C10orf90: variants seen among roughly 807,000 people sequenced by gnomAD.
C10orf90 encodes the protein chromosome 10 open reading frame 90, also known as (E2-independent) E3 ubiquitin-conjugating enzyme FATS.
Under a neutral mutation model 62.5 loss-of-function variants are expected in C10orf90, and 56 were observed. That is an observed-to-expected ratio of 0.90 (90% CI 0.72 to 1.12). The LOEUF is 1.12. Ranked by LOEUF, C10orf90 falls within the 50% of genes most tolerant of loss-of-function variation. The probability of loss-of-function intolerance (pLI) is 0.00; values close to 1 mark genes in which losing one functional copy is unlikely to be tolerated. For synonymous variants in C10orf90, 386 were observed against 340.4 expected, an observed-to-expected ratio of 1.13 and a Z score of -1.47; for missense variants, 970 against 880.4, an observed-to-expected ratio of 1.10 and a Z score of -1.29.
At chr10:126,646,447 T>TC (rs1351386192) in intron 2 of C10orf90, 118 bp downstream of exon 2, 1 of 260,602 alleles carries the variant, frequency 3.8e-6, no homozygotes, top group African/African-American at 2.3e-5. Flanking sequence ...ATCTCACGTT[T>TC]GGGGGAAAAC....
At chr10:126,659,040 G>A (rs571747502) in intron 1 of C10orf90, among the ~76,000 whole-genome samples, 1 of 152,310 alleles carries the variant, frequency 6.6e-6, no homozygotes, top group African/African-American at 2.4e-5. Flanking sequence ...CTGACAGCCA[G>A]CACAGTGGCT....
At chr10:126,483,452 C>G (rs1228491699) in intron 4 of C10orf90, among the ~76,000 whole-genome samples, 3 of 152,178 alleles carry the variant, frequency 2.0e-5, no homozygotes, top group African/African-American at 7.2e-5. Flanking sequence ...ATCCTAGACT[C>G]CATGCCTTGT....
intron 7 of C10orf90, among the ~76,000 whole-genome samples, chr10:126,458,323 T>C (rs1246188757): frequency 6.6e-6 from 1 of 152,198 alleles, no homozygotes; most frequent in Admixed American, 6.5e-5. Context: ...GGAATAAAAC[T>C]GGGGTTTCTC....
chr10:126,585,287 GAAAGCAAGCAAGCAAGCA>G, intron 2 of C10orf90, among the ~76,000 whole-genome samples: 1 of 148,876 alleles, frequency 6.7e-6, no homozygotes, highest in South Asian at 2.1e-4. Flanking sequence ...AAGAAACAAA[GAAAGCAAGCAAGCAAGCA>G]GAGGGAGGAA....
chr10:126,426,554 T>C (rs2133969442), intron 8 of C10orf90, among the ~76,000 whole-genome samples: 1 of 152,370 alleles, frequency 6.6e-6, no homozygotes, highest in South Asian at 2.1e-4. Context: ...ATAGCAGGAC[T>C]TATAATACTG....
rs10901612 is a variant in C10orf90 at position 126,456,530 on chromosome 10, C to T, written c.2188+2510G>A. Among the ~76,000 whole-genome samples, 69,493 of 151,976 alleles carry T rather than the reference C, an allele frequency of 0.46. 16,167 individuals are homozygous for T. Among genetic ancestry groups the T allele is most frequent in the South Asian group, 0.57 (2,735 of 4,810 alleles). ...TGTGAACTTGTAAGGATATTTGTTT[C>T]GGGCAAACACCACAGTTGAATGATA... On this transcript the variant is annotated intron_variant, in intron 7 of 9. Transcript: ENST00000488181. The surrounding 1 kb of genome is among the most constrained non-coding windows in gnomAD (Gnocchi z 4.9).
At chr10:126,511,558 G>C (rs1300800688) in intron 3 of C10orf90, among the ~76,000 whole-genome samples, 5 of 151,166 alleles carry the variant, frequency 3.3e-5, no homozygotes, top group Non-Finnish European at 7.4e-5. Flanking sequence ...CAACCACCAA[G>C]AATCGCTGTT....
chr10:126,623,443 C>T lies in C10orf90; in HGVS notation c.313+23122G>A, dbSNP rs115132179. ...TTCCAACTACCTGTATAAGGTAGTACACCCCGTTCCTTTCTACCCTCTCAC... is the reference window on the plus strand; with the variant it reads ...TTCCAACTACCTGTATAAGGTAGTATACCCCGTTCCTTTCTACCCTCTCAC... On this transcript the variant is annotated intron_variant, in intron 2 of 9. Coordinates refer to ENST00000488181, the MANE Select transcript of C10orf90 (RefSeq NM_001350921.2). Among the ~76,000 whole-genome samples the T allele has an allele frequency of 9.6e-3, 1,463 of 152,258 alleles. 23 individuals carry two copies. Among genetic ancestry groups the T allele is most frequent in the African/African-American group, 0.032 (1,326 of 41,520 alleles).
In C10orf90 at chr10:126,526,917, G is replaced by A. The variant is rs1367110623; in HGVS notation, c.314-12978C>T. Among the ~76,000 whole-genome samples the A allele has an allele frequency of 2.0e-5, 3 of 152,278 alleles. No homozygotes were observed. The East Asian group carries it at 5.8e-4, about 29-fold the overall frequency. On this transcript the variant is annotated intron_variant, in intron 2 of 9. Transcript: ENST00000488181. ...CAGGACATCCTTGCTTCTTAAGGCTGAATAATATTCCAGGGCATAGGTAGA... is the reference window on the plus strand; with the variant it reads ...CAGGACATCCTTGCTTCTTAAGGCTAAATAATATTCCAGGGCATAGGTAGA...
chr10:126,442,625 G>C (rs1212259572), intron 7 of C10orf90, among the ~76,000 whole-genome samples: 1 of 93,478 alleles, frequency 1.1e-5, no homozygotes, highest in Non-Finnish European at 2.1e-5. Context: ...TACTATTATT[G>C]TGTGTGTGTA....
intron 4 of C10orf90, among the ~76,000 whole-genome samples, chr10:126,475,023 G>A (rs1417443801): frequency 1.3e-5 from 2 of 152,212 alleles, no homozygotes; most frequent in Non-Finnish European, 2.9e-5. Context: ...GGCAGACCAG[G>A]TGGGATCCTT....
chr10:126,620,430 T>C (rs1049866027), intron 2 of C10orf90, among the ~76,000 whole-genome samples: 1 of 152,228 alleles, frequency 6.6e-6, no homozygotes, highest in African/African-American at 2.4e-5. Flanking sequence ...CTGATTACTC[T>C]GGCGTTTTTG....
chr10:126,478,234 T>C (rs1860997695), intron 4 of C10orf90, among the ~76,000 whole-genome samples: 1 of 152,210 alleles, frequency 6.6e-6, no homozygotes. Flanking sequence ...AATAAATAAC[T>C]GGGACCTATT....
intron 4 of C10orf90, among the ~76,000 whole-genome samples, chr10:126,485,582 C>A (rs537326180): frequency 2.0e-5 from 3 of 152,214 alleles, no homozygotes; most frequent in South Asian, 4.1e-4. Flanking sequence ...TTTAGGAAAT[C>A]TTTTATTTCC....
In C10orf90 at chr10:126,645,664, G is replaced by A. The variant is rs906416054; in HGVS notation, c.313+901C>T. On this transcript the variant is annotated intron_variant, in intron 2 of 9. Transcript: ENST00000488181. ...CAGAAAGGATTAAACATGAAAGCTTGTTTCAAGTAATGTTTTTGTCTTGGG... is the reference window on the plus strand; with the variant it reads ...CAGAAAGGATTAAACATGAAAGCTTATTTCAAGTAATGTTTTTGTCTTGGG... 2.0e-5 allele frequency among the ~76,000 whole-genome samples: 3 copies of A among 151,368 alleles called. No homozygotes were observed. In the East Asian group the frequency reaches 5.8e-4, roughly 29 times the overall value.
At chr10:126,522,026 T>C (rs970705692) in intron 2 of C10orf90, among the ~76,000 whole-genome samples, 3 of 152,178 alleles carry the variant, frequency 2.0e-5, no homozygotes, top group Non-Finnish European at 4.4e-5. Context: ...CCCAGCACTT[T>C]GGGAGGCCAA....
rs144344938 is a variant in C10orf90, at chr10:126,427,870, C to T, written c.2253-1780G>A. On this transcript the variant is annotated intron_variant, in intron 8 of 9. Transcript: ENST00000488181. The stretch of plus-strand genomic sequence containing the variant: ...TTGTGATTGTGTGAGTCAATTCTCC[C>T]GAATAAACTCCCTTTTATATACATA... Among the ~76,000 whole-genome samples the T allele has an allele frequency of 3.2e-3, 494 of 152,222 alleles. 1 individual carries two copies. The highest frequency in any genetic ancestry group is 0.01 in the African/African-American group (417 of 41,542).
chr10:126,468,321 C>G (rs1860399214), intron 4 of C10orf90, among the ~76,000 whole-genome samples: 2 of 152,172 alleles, frequency 1.3e-5, no homozygotes, highest in Admixed American at 6.5e-5. Flanking sequence ...CCTGCCTTGG[C>G]CTCCTAAAGT....
chr10:126,444,436 A>C (rs1262831945), intron 7 of C10orf90, among the ~76,000 whole-genome samples: 1 of 152,088 alleles, frequency 6.6e-6, no homozygotes, highest in Non-Finnish European at 1.5e-5. Flanking sequence ...CTGCAAAAGA[A>C]GTAAAATACT....
Sources: gnomAD v4.1 joint callset for allele counts (sites outside exome capture counted in the v4.1 genomes callset) on GRCh38, gnomAD v4.1.1 for gene constraint, Gnocchi (gnomAD v3.1) non-coding constraint, MANE v1.5 for transcripts, NCBI Gene and HGNC (gene_info 2026-07-23, HGNC 2026-07-21) for gene names.